Variants in NTSR1 observed in about 807,000 individuals in gnomAD.
NTSR1 encodes the protein neurotensin receptor type 1.
Under a neutral mutation model 31.2 loss-of-function variants are expected in NTSR1, and 29 were observed. The observed-to-expected ratio is 0.93, with a 90% CI of 0.69 to 1.27. The LOEUF (loss-of-function observed/expected upper bound fraction) is 1.27, where lower values mean the gene tolerates loss of function less well. Ranked by LOEUF, NTSR1 falls within the 50% of genes most tolerant of loss-of-function variation. NTSR1 has a pLI of 0.00. For synonymous variants in NTSR1, 282 were observed against 269.9 expected (o/e 1.04, Z -0.44); for missense variants, 697 against 595.4 (o/e 1.17, Z -1.78).
chr20:62,716,653 C>T (rs113118030), intron 1 of NTSR1, among the ~76,000 whole-genome samples: 18 of 76,802 alleles, frequency 2.3e-4, no homozygotes, highest in East Asian at 6.9e-4. Flanking sequence ...AGCTGCCGTC[C>T]GCTCAAGGCT....
Position 62,758,380 on chromosome 20 carries a change from T to G in NTSR1, c.1007+24T>G. ...CCGTGAGTACCGGGAACCAGGAAGT[T>G]GGGTGCTGGACAAGTAAGTGCTCCC... On this transcript the variant is annotated intron_variant, in intron 3 of 3. Coordinates refer to ENST00000370501, the MANE Select transcript of NTSR1 (RefSeq NM_002531.3). The surrounding 1 kb of genome is among the most constrained non-coding windows in gnomAD (Gnocchi z 4.5). The G allele has an allele frequency of 6.2e-7, 1 of 1,605,142 alleles. No individual in the cohort carries two copies.
In NTSR1 at chr20:62,760,964, C is replaced by A. The variant is rs1488652643; in HGVS notation, c.*697C>A. On this transcript the variant is annotated 3_prime_UTR_variant, in exon 4 of 4. Transcript: ENST00000370501. ...ATGGGCTGGCCTGGAATGGCCCAGA[C>A]CCCAGCCTCCCCTCCTCCCTCCCAT... 6.6e-6 allele frequency: 1 copy of A among 152,474 alleles called. No individual in the cohort carries two copies. The highest frequency in any genetic ancestry group is 1.9e-4 in the East Asian group (1 of 5,176). 9.4% of individuals were successfully genotyped at this position (152,474 alleles called of 1,614,324 possible). A position where few individuals can be genotyped will look rare whatever the true frequency, so the allele number is the denominator to read the frequency against.
At chr20:62,726,173 G>C (rs967232943) in intron 1 of NTSR1, among the ~76,000 whole-genome samples, 2 of 152,154 alleles carry the variant, frequency 1.3e-5, no homozygotes, top group African/African-American at 2.4e-5. Flanking sequence ...CCTTTCTGTG[G>C]GGCTGCCATT....
At chr20:62,754,271 G>A (rs1018401587) in intron 1 of NTSR1, among the ~76,000 whole-genome samples, 1 of 152,200 alleles carries the variant, frequency 6.6e-6, no homozygotes, top group Admixed American at 6.5e-5. Flanking sequence ...CCACAGGACG[G>A]GCCTTGGGGT....
chr20:62,734,730 A>G, intron 1 of NTSR1, among the ~76,000 whole-genome samples: 1 of 124,220 alleles, frequency 8.1e-6, no homozygotes, highest in East Asian at 4.0e-4. Context: ...ACCGGGTTTT[A>G]GAGTTAATGC....
chr20:62,735,398 G>A (rs1489384816), intron 1 of NTSR1: 1 of 152,222 alleles, frequency 6.6e-6, no homozygotes, highest in Non-Finnish European at 1.5e-5. Flanking sequence ...GCGAGGGAAG[G>A]CAGGGGCCCC....
chr20:62,755,613 A>C (rs1183008092), intron 2 of NTSR1, among the ~76,000 whole-genome samples: 1 of 11,916 alleles, frequency 8.4e-5, no homozygotes, highest in Non-Finnish European at 1.6e-4. Context: ...CCCTCCCTCC[A>C]TCCCTCATTC....
intron 1 of NTSR1, among the ~76,000 whole-genome samples, chr20:62,723,855 G>C (rs887503677): frequency 2.0e-5 from 3 of 152,232 alleles, no homozygotes; most frequent in Non-Finnish European, 4.4e-5. Flanking sequence ...CACTGGGGTT[G>C]CTTTGAAGCT....
intron 1 of NTSR1, among the ~76,000 whole-genome samples, chr20:62,752,843 A>C (rs1989417335): frequency 6.6e-6 from 1 of 151,936 alleles, no homozygotes; most frequent in Non-Finnish European, 1.5e-5. Flanking sequence ...TCTCACCAGC[A>C]CCTTGTTGTC....
intron 1 of NTSR1, among the ~76,000 whole-genome samples, chr20:62,722,826 C>T (rs1192484393): frequency 1.3e-5 from 2 of 152,164 alleles, no homozygotes; most frequent in Non-Finnish European, 2.9e-5. Context: ...TAGTCCAGTA[C>T]CCCTGGCGAA....
In NTSR1 at chr20:62,709,116, C is replaced by G; in HGVS notation, c.-92C>G. The stretch of plus-strand genomic sequence containing the variant: ...CGCCACGCGCCCTCCCCTGGGCTCC[C>G]GTTCATCGGTCCCCGCCTGAGACGC... On this transcript the variant is annotated 5_prime_UTR_variant, in exon 1 of 4. Transcript: ENST00000370501. The G allele has an allele frequency of 3.7e-6, 4 of 1,080,264 alleles. No individual in the cohort carries two copies. Among genetic ancestry groups the G allele is most frequent in the Non-Finnish European group, 4.9e-6 (4 of 814,304 alleles). 66.9% of individuals were successfully genotyped at this position (1,080,264 alleles called of 1,614,324 possible). A position where few individuals can be genotyped will look rare whatever the true frequency, so the allele number is the denominator to read the frequency against.
At chr20:62,738,543 C>T (rs1034590035) in intron 1 of NTSR1, among the ~76,000 whole-genome samples, 8 of 152,248 alleles carry the variant, frequency 5.3e-5, no homozygotes, top group Admixed American at 3.9e-4. Flanking sequence ...GCCTATGAGC[C>T]GTACATTTGT....
At chr20:62,754,471 G>A (rs1057445198) in intron 1 of NTSR1, among the ~76,000 whole-genome samples, 1 of 152,200 alleles carries the variant, frequency 6.6e-6, no homozygotes, top group South Asian at 2.1e-4. Flanking sequence ...TCAGAGGCAG[G>A]GTCGGGGGCA....
chr20:62,737,947 C>T (rs1227049219), intron 1 of NTSR1, among the ~76,000 whole-genome samples: 2 of 130,252 alleles, frequency 1.5e-5, no homozygotes, highest in African/African-American at 7.7e-5. Context: ...GCAGCCTCTG[C>T]GTAAAGCTCC....
In NTSR1 at chr20:62,745,733, C is replaced by T. The variant is rs1989289163; in HGVS notation, c.715-8952C>T. The stretch of plus-strand genomic sequence containing the variant: ...CGTGGACCTCGCTGGGACTGGATGG[C>T]CTTCTCTACAGCTGCTGAACAGCCT... On this transcript the variant is annotated intron_variant, in intron 1 of 3. Coordinates refer to ENST00000370501, the MANE Select transcript of NTSR1 (RefSeq NM_002531.3). The surrounding 1 kb of genome is among the most constrained non-coding windows in gnomAD (Gnocchi z 4.1). Among the ~76,000 whole-genome samples, 1 of 152,258 alleles carries T rather than the reference C, an allele frequency of 6.6e-6. No homozygotes were observed. Among genetic ancestry groups the T allele is most frequent in the Non-Finnish European group, 1.5e-5 (1 of 68,044 alleles).
intron 1 of NTSR1, among the ~76,000 whole-genome samples, chr20:62,749,346 T>C (rs1433686007): frequency 6.6e-6 from 1 of 152,014 alleles, no homozygotes; most frequent in Non-Finnish European, 1.5e-5. Context: ...GAGCCTGAAA[T>C]TGTACCCTTA....
chr20:62,721,969 C>T (rs1336206765), intron 1 of NTSR1, among the ~76,000 whole-genome samples: 1 of 152,212 alleles, frequency 6.6e-6, no homozygotes, highest in African/African-American at 2.4e-5. Flanking sequence ...ACACCTCCTG[C>T]TTCTCACTTC....
rs192724360 is a variant in NTSR1 at position 62,716,995 on chromosome 20, C to T, written c.714+7074C>T. On this transcript the variant is annotated intron_variant, in intron 1 of 3. Coordinates refer to ENST00000370501, the MANE Select transcript of NTSR1 (RefSeq NM_002531.3). Reference sequence around the variant, plus strand: ...GGCGCAGTGGCCAAGGGGCTGTCCCCGTCCATGTGTCACCCCAAGGGGAAT... The same window carrying T: ...GGCGCAGTGGCCAAGGGGCTGTCCCTGTCCATGTGTCACCCCAAGGGGAAT... Among the ~76,000 whole-genome samples, 118 of 152,354 alleles carry T rather than the reference C, an allele frequency of 7.7e-4. 1 individual carries two copies. Among genetic ancestry groups the T allele is most frequent in the Non-Finnish European group, 1.1e-3 (75 of 68,026 alleles).
intron 1 of NTSR1, among the ~76,000 whole-genome samples, chr20:62,720,375 T>C (rs1440601156): frequency 2.6e-5 from 4 of 152,240 alleles, no homozygotes; most frequent in Admixed American, 2.0e-4. Context: ...TAGTAATTTG[T>C]ATCTTTTGAG....
Sources: allele counts gnomAD v4.1 joint callset (sites outside exome capture counted in the v4.1 genomes callset), GRCh38; gene constraint gnomAD v4.1.1; non-coding constraint Gnocchi (gnomAD v3.1); transcripts MANE v1.5; gene names NCBI Gene and HGNC (gene_info 2026-07-23, HGNC 2026-07-21).